The following OR9Q1 variants were observed in gnomAD, a reference collection of about 807,000 sequenced individuals.
The protein encoded by OR9Q1 is olfactory receptor family 9 subfamily Q member 1.
For missense variants in OR9Q1, 374 were observed against 378.8 expected, an observed-to-expected ratio of 0.99 and a Z score of 0.11; for synonymous variants, 153 against 148.6, an observed-to-expected ratio of 1.03 and a Z score of -0.22.
At chr11:58,106,299 T>C (rs1243523551) in intron 2 of OR9Q1, among the ~76,000 whole-genome samples, 2 of 152,060 alleles carry the variant, frequency 1.3e-5, no homozygotes, top group Admixed American at 1.3e-4. Context: ...GTCTTCTTTG[T>C]ATAGATATAT....
At chr11:58,138,324 G>A (rs977887261) in intron 2 of OR9Q1, among the ~76,000 whole-genome samples, 2 of 152,200 alleles carry the variant, frequency 1.3e-5, no homozygotes, top group Admixed American at 6.5e-5. Context: ...CACAGTGTAA[G>A]CTAATGTTAA....
In OR9Q1 at chr11:58,179,747, C is replaced by A. The variant is rs766803352; in HGVS notation, c.303C>A (p.Phe101Leu). Residue 101 changes from phenylalanine (F) to leucine (L), a missense_variant, in exon 3 of 3, where the codon TTC becomes TTA. Transcript: ENST00000335397. ...ALSYTRCAAQ[F>L]FLFTFFGSID... The stretch of plus-strand genomic sequence containing the variant: ...CTTACACACGCTGTGCTGCTCAGTT[C>A]TTTCTGTTCACCTTCTTTGGTTCCA... 1 of 1,614,206 alleles carries A rather than the reference C, an allele frequency of 6.2e-7. No homozygotes were observed. Among genetic ancestry groups the A allele is most frequent in the Non-Finnish European group, 8.5e-7 (1 of 1,180,040 alleles).
intron 1 of OR9Q1, among the ~76,000 whole-genome samples, chr11:58,036,694 G>T (rs962298050): frequency 6.6e-6 from 1 of 152,218 alleles, no homozygotes; most frequent in South Asian, 2.1e-4. Context: ...AGACTTTAGT[G>T]GAGGAAGTAA....
intron 2 of OR9Q1, chr11:58,077,556 G>A (rs1853549292): frequency 6.6e-6 from 1 of 152,152 alleles, no homozygotes; most frequent in Non-Finnish European, 1.5e-5. Context: ...CAGTTAGGTG[G>A]GAGGCACAAG....
intron 1 of OR9Q1, among the ~76,000 whole-genome samples, chr11:58,052,545 GTAAC>G (rs1479844176): frequency 3.1e-5 from 2 of 63,636 alleles, no homozygotes; most frequent in Admixed American, 3.8e-4. Flanking sequence ...GTATATATAT[GTAAC>G]TAACCTGCAC....
intron 2 of OR9Q1, chr11:58,119,417 T>C: frequency 1.9e-6 from 3 of 1,611,698 alleles, no homozygotes; most frequent in Non-Finnish European, 2.5e-6. Flanking sequence ...ATGAATTCGG[T>C]TACTCTGGTG....
chr11:58,178,303 C>A (rs987194885), intron 2 of OR9Q1, among the ~76,000 whole-genome samples: 2 of 152,162 alleles, frequency 1.3e-5, no homozygotes, highest in African/African-American at 4.8e-5. Flanking sequence ...CATCTAGTTA[C>A]TCTGATTTGA....
intron 2 of OR9Q1, among the ~76,000 whole-genome samples, chr11:58,138,170 TTCC>T (rs1854207196): frequency 1.3e-5 from 2 of 152,132 alleles, no homozygotes; most frequent in South Asian, 2.1e-4. Context: ...AGGAAAATGC[TTCC>T]TCCTCCTTTC....
At chr11:58,151,962 A>G (rs1192777232) in intron 2 of OR9Q1, among the ~76,000 whole-genome samples, 10 of 152,184 alleles carry the variant, frequency 6.6e-5, no homozygotes, top group African/African-American at 2.2e-4. Flanking sequence ...GCATGTTTAT[A>G]AGGAACCTTG....
intron 1 of OR9Q1, among the ~76,000 whole-genome samples, chr11:58,043,492 GTC>G (rs1565058343): frequency 1.3e-5 from 2 of 152,152 alleles, no homozygotes; most frequent in African/African-American, 4.8e-5. Flanking sequence ...ATAGAATAGA[GTC>G]CATGCTCCAG....
rs546832005 is a variant in OR9Q1, at chr11:58,165,723, G to A, written c.-14-13708G>A. On this transcript the variant is annotated intron_variant, in intron 2 of 2. Transcript: ENST00000335397. Reference sequence around the variant, plus strand: ...TTATTGACTGAAGGGGCCAGGTATCGTTAGCAGTGCCAAGGAGGGATTAAA... The same window carrying A: ...TTATTGACTGAAGGGGCCAGGTATCATTAGCAGTGCCAAGGAGGGATTAAA... Among the ~76,000 whole-genome samples, 7 of 152,282 alleles carry A rather than the reference G, an allele frequency of 4.6e-5. No homozygotes were observed. The East Asian group carries it at 7.7e-4, about 17-fold the overall frequency.
intron 1 of OR9Q1, among the ~76,000 whole-genome samples, chr11:58,030,454 A>T (rs1051809229): frequency 6.6e-6 from 1 of 152,058 alleles, no homozygotes; most frequent in Non-Finnish European, 1.5e-5. Flanking sequence ...TTTCACAACA[A>T]ATCTGTTAGG....
intron 2 of OR9Q1, among the ~76,000 whole-genome samples, chr11:58,162,679 A>G (rs1854467260): frequency 6.6e-6 from 1 of 152,222 alleles, no homozygotes; most frequent in Non-Finnish European, 1.5e-5. Context: ...GAAAAATGAA[A>G]TAATAATTCA....
At chr11:58,155,850 T>A (rs901220843) in intron 2 of OR9Q1, among the ~76,000 whole-genome samples, 2 of 152,112 alleles carry the variant, frequency 1.3e-5, no homozygotes, top group African/African-American at 4.8e-5. Context: ...CAGGATAATA[T>A]TTTTTAGCAT....
At chr11:58,027,301 A>G (rs952670177) in intron 1 of OR9Q1, among the ~76,000 whole-genome samples, 1 of 152,168 alleles carries the variant, frequency 6.6e-6, no homozygotes, top group Non-Finnish European at 1.5e-5. Flanking sequence ...TCCATAAAGT[A>G]GGGTAACTAC....
At chr11:58,140,107 T>A (rs905940411) in intron 2 of OR9Q1, among the ~76,000 whole-genome samples, 4 of 152,184 alleles carry the variant, frequency 2.6e-5, no homozygotes, top group African/African-American at 7.2e-5. Context: ...TCTGTTCATA[T>A]CCTTCACCCG....
chr11:58,150,637 A>G (rs1310347103), intron 2 of OR9Q1, among the ~76,000 whole-genome samples: 1 of 152,178 alleles, frequency 6.6e-6, no homozygotes, highest in Non-Finnish European at 1.5e-5. Context: ...CATGACTCAC[A>G]TGTTCGTGGT....
chr11:58,084,221 T>C (rs1853614550), intron 2 of OR9Q1, among the ~76,000 whole-genome samples: 1 of 151,942 alleles, frequency 6.6e-6, no homozygotes, highest in South Asian at 2.1e-4. Flanking sequence ...TTTGTGGTTA[T>C]TATAAATGGG....
At chr11:58,089,453 CTGTAGATG>C (rs1853664092) in intron 2 of OR9Q1, among the ~76,000 whole-genome samples, 2 of 151,528 alleles carry the variant, frequency 1.3e-5, no homozygotes, top group South Asian at 4.2e-4. Context: ...GGTCAGATGG[CTGTAGATG>C]TGTATGTATG....
Sources: allele counts gnomAD v4.1 joint callset (sites outside exome capture counted in the v4.1 genomes callset), GRCh38; gene constraint gnomAD v4.1.1; transcripts MANE v1.5; gene names NCBI Gene and HGNC (gene_info 2026-07-23, HGNC 2026-07-21).